ATP7B: variants seen among roughly 807,000 people sequenced by gnomAD.
The protein encoded by ATP7B is copper-transporting ATPase 2.
In ATP7B, 113 loss-of-function variants were observed where a neutral mutation model predicts 118.9. The ratio of observed to expected loss-of-function variants is 0.95; its 90% CI spans 0.82 to 1.11. ATP7B has a LOEUF of 1.11. Ranked by LOEUF, ATP7B falls within the 50% of genes most tolerant of loss-of-function variation. The probability of loss-of-function intolerance (pLI) is 0.00; values close to 1 mark genes in which losing one functional copy is unlikely to be tolerated. For synonymous variants in ATP7B, 777 were observed against 727.4 expected, an observed-to-expected ratio of 1.07 and a Z score of -1.10; for missense variants, 1,867 against 1,871.4, an observed-to-expected ratio of 1.00 and a Z score of 0.04.
intron 1 of ATP7B, among the ~76,000 whole-genome samples, chr13:51,981,460 G>A (rs1341618520): frequency 6.6e-6 from 1 of 152,164 alleles, no homozygotes; most frequent in Non-Finnish European, 1.5e-5. Context: ...CAAGACACAA[G>A]TCAGAGAAGA....
At chr13:51,964,138 C>A (rs185351416) in intron 5 of ATP7B, among the ~76,000 whole-genome samples, 22 of 151,734 alleles carry the variant, frequency 1.4e-4, no homozygotes, top group Non-Finnish European at 2.9e-4. Context: ...CACACACACA[C>A]AATGAAGAGG....
chr13:51,992,028 T>G (rs929797528), intron 1 of ATP7B, among the ~76,000 whole-genome samples: 1 of 151,794 alleles, frequency 6.6e-6, no homozygotes, highest in Non-Finnish European at 1.5e-5. Flanking sequence ...CTTTTTCCCC[T>G]CTCTGCCTGT....
rs549025077 is a variant in ATP7B at position 51,971,746 on chromosome 13, C to T, written c.1286-997G>A. ...AGGCCACTCCACATGAATGCCCACT[C>T]CCTTCAGCAGTAGGTGTGTGCTGTG... On this transcript the variant is annotated intron_variant, in intron 2 of 20. Coordinates refer to ENST00000242839, the MANE Select transcript of ATP7B (RefSeq NM_000053.4). Among the ~76,000 whole-genome samples, 5 of 152,362 alleles carry T rather than the reference C, an allele frequency of 3.3e-5. No homozygotes were observed. The South Asian group carries it at 8.3e-4, about 25-fold the overall frequency.
chr13:51,980,181 A>G (rs756379551), intron 1 of ATP7B, among the ~76,000 whole-genome samples: 1 of 152,238 alleles, frequency 6.6e-6, no homozygotes, highest in Non-Finnish European at 1.5e-5. Context: ...GAGCAGGCCA[A>G]GGTTCCACAT....
chr13:51,936,405 A>C (rs1956962949), intron 19 of ATP7B, among the ~76,000 whole-genome samples: 1 of 120,564 alleles, frequency 8.3e-6, no homozygotes, highest in Non-Finnish European at 1.6e-5. Context: ...ATGGAGGAGC[A>C]CTCTGGAACT....
Position 52,011,393 on chromosome 13 carries a change from T to C in ATP7B, c.-56A>G. The C allele has an allele frequency of 3.7e-6, 6 of 1,612,556 alleles. No individual in the cohort carries two copies. Among genetic ancestry groups the C allele is most frequent in the East Asian group, 4.5e-5 (2 of 44,864 alleles). ...ATCTGGCTCAGAGCAAAAGGTCACC[T>C]GGTCGGTGGAGGAGAGCGGGGTGTT... On this transcript the variant is annotated 5_prime_UTR_variant, in exon 1 of 21. Coordinates refer to ENST00000242839, the MANE Select transcript of ATP7B (RefSeq NM_000053.4).
At chr13:51,998,395 T>C (rs980775189) in intron 1 of ATP7B, among the ~76,000 whole-genome samples, 1 of 152,216 alleles carries the variant, frequency 6.6e-6, no homozygotes, top group Admixed American at 6.5e-5. Context: ...AATAAGTATA[T>C]TTAAGCAGTT....
Position 51,939,050 on chromosome 13 carries a change from C to T in ATP7B, c.3699+1G>A. 6.2e-7 allele frequency: 1 copy of T among 1,614,234 alleles called. No individual in the cohort carries two copies. ...CAGTTTGCAACATTAAAGGGCTGTACCTGGGTGGCAATAGCTCTGGCTGTC... is the reference window on the plus strand; with the variant it reads ...CAGTTTGCAACATTAAAGGGCTGTATCTGGGTGGCAATAGCTCTGGCTGTC... On this transcript the variant is annotated splice_donor_variant, in intron 17 of 20. Transcript: ENST00000242839. LOFTEE classifies it high-confidence loss of function.
chr13:51,934,324 CA>C lies in ATP7B; in HGVS notation c.*431del, dbSNP rs1191727465. 3.8e-5 allele frequency: 11 copies of C among 288,462 alleles called. No homozygotes were observed. Among genetic ancestry groups the C allele is most frequent in the South Asian group, 2.7e-4 (7 of 26,414 alleles). 17.9% of individuals were successfully genotyped at this position (288,462 alleles called of 1,614,324 possible). A position where few individuals can be genotyped will look rare whatever the true frequency, so the allele number is the denominator to read the frequency against. On this transcript the variant is annotated 3_prime_UTR_variant, in exon 21 of 21. Coordinates refer to ENST00000242839, the MANE Select transcript of ATP7B (RefSeq NM_000053.4). Reference sequence around the variant, plus strand: ...ACTGTGGTCTCAGAAACATGATGCACACAGACAGGCGTCATCAGAAAGACCC... The same window carrying C: ...ACTGTGGTCTCAGAAACATGATGCACCAGACAGGCGTCATCAGAAAGACCC...
chr13:51,954,414 T>C (rs1239796846), intron 9 of ATP7B, among the ~76,000 whole-genome samples: 1 of 152,242 alleles, frequency 6.6e-6, no homozygotes, highest in Non-Finnish European at 1.5e-5. Flanking sequence ...CAGAAAGCAC[T>C]GTAATATGAT....
intron 1 of ATP7B, chr13:51,978,985 G>A (rs1458686367): frequency 6.6e-6 from 1 of 152,260 alleles, no homozygotes; most frequent in Non-Finnish European, 1.5e-5. Flanking sequence ...GCTCAGATGA[G>A]GCTGTTGGCA....
At chr13:51,988,614 T>C (rs1163846074) in intron 1 of ATP7B, among the ~76,000 whole-genome samples, 1 of 152,204 alleles carries the variant, frequency 6.6e-6, no homozygotes, top group Non-Finnish European at 1.5e-5. Flanking sequence ...CACATATGTT[T>C]ATTGTGGCAC....
intron 15 of ATP7B, among the ~76,000 whole-genome samples, chr13:51,942,063 A>G (rs769983291): frequency 1.3e-5 from 2 of 152,226 alleles, no homozygotes; most frequent in Non-Finnish European, 2.9e-5. Context: ...CAGAATGGAA[A>G]CAGGAAGAAC....
At chr13:51,950,526 T>A in intron 9 of ATP7B, 127 bp from the exon 10 acceptor site, 11 of 1,364,656 alleles carry the variant, frequency 8.1e-6, no homozygotes, top group Non-Finnish European at 1.1e-5. Flanking sequence ...TTTGATCTGT[T>A]CATTTACAGA....
chr13:51,934,766 T>G lies in ATP7B; in HGVS notation c.4388A>C (p.Gln1463Pro), dbSNP rs202131204. 5.6e-6 allele frequency: 9 copies of G among 1,613,812 alleles called. No homozygotes were observed. The East Asian group carries it at 2.0e-4, about 36-fold the overall frequency. The change falls in exon 21 of 21, where the codon CAG (glutamine) becomes CCG (proline). Residue 1463 changes from glutamine (Q) to proline (P), a missense_variant. Gln to Pro is a moderately conservative substitution (Grantham distance 76). Coordinates refer to ENST00000242839, the MANE Select transcript of ATP7B (RefSeq NM_000053.4). ...SLLLNGRDEE[Q>P]YI ...GCCTGCCTGAAGTCATCAGATGTAC[T>G]GCTCCTCATCCCTGCCATTCAGGAG...
At chr13:52,001,472 C>T (rs1036611223) in intron 1 of ATP7B, among the ~76,000 whole-genome samples, 14 of 152,180 alleles carry the variant, frequency 9.2e-5, no homozygotes, top group African/African-American at 3.4e-4. Context: ...TCTGATCTTG[C>T]TGTTCCTTAG....
rs569705183 is a variant in ATP7B at position 52,008,114 on chromosome 13, G to A, written c.51+3173C>T. 1.4e-4 allele frequency among the ~76,000 whole-genome samples: 21 copies of A among 152,188 alleles called. No homozygotes were observed. The East Asian group carries it at 3.9e-3, about 28-fold the overall frequency. On this transcript the variant is annotated intron_variant, in intron 1 of 20. Transcript: ENST00000242839. ...TCCAACACTTTGGGAGGCCGAGGTG[G>A]GCGGATCACGAGATCAAGAGATAGA...
In ATP7B at chr13:51,964,960, T is replaced by C. The variant is rs575444351; in HGVS notation, c.1781A>G (p.Tyr594Cys). ...SKLTRTNGIT[Y>C]ASVALATSKA... ...GCTGGTGGCAAGGGCAACGGAGGCA[T>C]AAGTGATGCCATTTGTCCTCGTGAG... The change falls in exon 5 of 21, where the codon TAT (tyrosine) becomes TGT (cysteine). Residue 594 changes from tyrosine (Y) to cysteine (C), a missense_variant. Coordinates refer to ENST00000242839, the MANE Select transcript of ATP7B (RefSeq NM_000053.4). 6.2e-7 allele frequency: 1 copy of C among 1,614,114 alleles called. No individual in the cohort carries two copies. The highest frequency in any genetic ancestry group is 1.1e-5 in the South Asian group (1 of 91,078).
At chr13:52,002,697 C>T (rs147619017) in intron 1 of ATP7B, among the ~76,000 whole-genome samples, 173 of 149,288 alleles carry the variant, frequency 1.2e-3, no homozygotes, top group African/African-American at 4.0e-3. Context: ...CAAATACAGG[C>T]ATCTCTCAGA....
Sources: gnomAD v4.1 joint callset for allele counts (sites outside exome capture counted in the v4.1 genomes callset) on GRCh38, gnomAD v4.1.1 for gene constraint, MANE v1.5 for transcripts, NCBI Gene and HGNC (gene_info 2026-07-23, HGNC 2026-07-21) for gene names.